The following IGSF5 variants were observed in gnomAD, a reference collection of about 807,000 sequenced individuals.
IGSF5 encodes the protein immunoglobulin superfamily 5 like.
IGSF5 carries 41 observed loss-of-function variants against 39.4 expected under a neutral mutation model. That is an observed-to-expected ratio of 1.04 (90% CI 0.81 to 1.35). IGSF5 has a LOEUF of 1.35. Ranked by LOEUF, IGSF5 falls within the 40% of genes most tolerant of loss-of-function variation. The pLI, the probability that IGSF5 is intolerant of heterozygous loss-of-function variation, is 0.00. For synonymous variants in IGSF5, 183 were observed against 175.3 expected, an observed-to-expected ratio of 1.04 and a Z score of -0.34; for missense variants, 487 against 494.6, an observed-to-expected ratio of 0.98 and a Z score of 0.15.
intron 3 of IGSF5, among the ~76,000 whole-genome samples, chr21:39,767,495 T>C (rs533427747): frequency 5.9e-5 from 9 of 152,142 alleles, no homozygotes; most frequent in Non-Finnish European, 1.3e-4. Flanking sequence ...TGACTTTGAG[T>C]CCTAGTGTCC....
At chr21:39,741,293 G>A (rs139279140), upstream of IGSF5, among the ~76,000 whole-genome samples, 52 of 152,268 alleles carry the variant, frequency 3.4e-4, no homozygotes, top group Non-Finnish European at 5.0e-4. Context: ...CTATTTTGCC[G>A]TACCTGGGAA....
At chr21:39,776,140 C>T (rs1285822877) in intron 4 of IGSF5, among the ~76,000 whole-genome samples, 1 of 151,938 alleles carries the variant, frequency 6.6e-6, no homozygotes, top group East Asian at 1.9e-4. Flanking sequence ...TAAATGCACT[C>T]TTTTTAAAAA....
At chr21:39,748,882 A>C (rs1043963962) in intron 2 of IGSF5, among the ~76,000 whole-genome samples, 21 of 152,196 alleles carry the variant, frequency 1.4e-4, no homozygotes, top group Non-Finnish European at 2.8e-4. Context: ...CGTGCAGCTG[A>C]AGTCATCCTG....
chr21:39,777,360 G>T (rs986297287), intron 4 of IGSF5, among the ~76,000 whole-genome samples: 2 of 152,208 alleles, frequency 1.3e-5, no homozygotes, highest in African/African-American at 2.4e-5. Flanking sequence ...ATCACTTGGG[G>T]TATCATTCGG....
At chr21:39,797,641 C>A (rs947271857) in intron 8 of IGSF5, among the ~76,000 whole-genome samples, 1 of 152,126 alleles carries the variant, frequency 6.6e-6, no homozygotes, top group Non-Finnish European at 1.5e-5. Context: ...CTCAGCCTTC[C>A]GGAGAGCTAG....
chr21:39,759,497 C>T (rs2080050210), intron 2 of IGSF5, among the ~76,000 whole-genome samples: 1 of 152,024 alleles, frequency 6.6e-6, no homozygotes, highest in African/African-American at 2.4e-5. Flanking sequence ...GCCGTGGTTA[C>T]AAAAAACTCT....
chr21:39,788,202 C>T lies in IGSF5; in HGVS notation c.956+14C>T, dbSNP rs780106547. The T allele has an allele frequency of 6.6e-5, 103 of 1,572,344 alleles. No homozygotes were observed. Among genetic ancestry groups the T allele is most frequent in the Non-Finnish European group, 8.6e-5 (99 of 1,146,882 alleles). On this transcript the variant is annotated intron_variant, in intron 6 of 8. Coordinates refer to ENST00000380588, the MANE Select transcript of IGSF5 (RefSeq NM_001080444.2). ...TCAATTTCAAAAGTAAGTTTGAAAC[C>T]ACATCTATTTTCTGAAAACAAAACA...
At chr21:39,756,636 G>A (rs186628468) in intron 2 of IGSF5, among the ~76,000 whole-genome samples, 185 of 152,300 alleles carry the variant, frequency 1.2e-3, no homozygotes, top group African/African-American at 4.4e-3. Flanking sequence ...ACTCATTGGT[G>A]CTGTGGAGGA....
At chr21:39,739,481 G>A in the IGSF5 span, among the ~76,000 whole-genome samples, 1 of 152,088 alleles carries the variant, frequency 6.6e-6, no homozygotes, top group South Asian at 2.1e-4. Flanking sequence ...TTACTATCTG[G>A]TTGGGTGTGA....
the IGSF5 span, among the ~76,000 whole-genome samples, chr21:39,737,578 T>A: frequency 2.6e-5 from 4 of 152,148 alleles, no homozygotes; most frequent in African/African-American, 9.7e-5. Context: ...CACTTGTTTA[T>A]GTTTACCGGC....
chr21:39,736,861 GC>G, the IGSF5 span, among the ~76,000 whole-genome samples: 2 of 152,198 alleles, frequency 1.3e-5, no homozygotes, highest in Non-Finnish European at 2.9e-5. Flanking sequence ...TGGGATCAGT[GC>G]TTTGCTGGCC....
At chr21:39,716,654 T>C in the IGSF5 span, among the ~76,000 whole-genome samples, 16,138 of 152,246 alleles carry the variant, frequency 0.11, 1,160 homozygotes, top group East Asian at 0.21. Flanking sequence ...CAGCTCCATC[T>C]GTGTTCCAGC....
At chr21:39,799,687 G>T (rs1395946966) in intron 8 of IGSF5, among the ~76,000 whole-genome samples, 2 of 152,140 alleles carry the variant, frequency 1.3e-5, no homozygotes, top group African/African-American at 4.8e-5. Flanking sequence ...GCTCACGGTG[G>T]TGCCATGATG....
intron 5 of IGSF5, among the ~76,000 whole-genome samples, chr21:39,781,045 C>T (rs185139659): frequency 6.6e-5 from 10 of 152,320 alleles, no homozygotes; most frequent in Admixed American, 5.2e-4. Flanking sequence ...ACTGTGCTAA[C>T]TCTTTTACAT....
chr21:39,794,850 A>G (rs964130463), intron 8 of IGSF5, among the ~76,000 whole-genome samples: 3 of 151,974 alleles, frequency 2.0e-5, no homozygotes, highest in African/African-American at 7.2e-5. Flanking sequence ...ACAGGTATTT[A>G]CCTGAGTTTC....
At chr21:39,748,626 C>T (rs796383329) in intron 2 of IGSF5, among the ~76,000 whole-genome samples, 1 of 152,048 alleles carries the variant, frequency 6.6e-6, no homozygotes, top group Non-Finnish European at 1.5e-5. Context: ...ATTTTGAGGA[C>T]CTTATGACCT....
chr21:39,739,208 T>C, the IGSF5 span, among the ~76,000 whole-genome samples: 2 of 151,674 alleles, frequency 1.3e-5, no homozygotes, highest in South Asian at 4.2e-4. Flanking sequence ...GGGATTACAG[T>C]CATGAGCCAT....
the IGSF5 span, among the ~76,000 whole-genome samples, chr21:39,717,623 T>C: frequency 2.0e-5 from 3 of 152,222 alleles, no homozygotes; most frequent in Admixed American, 2.0e-4. Flanking sequence ...CTTGCTTTTG[T>C]CAACTTTGTC....
intron 6 of IGSF5, among the ~76,000 whole-genome samples, chr21:39,789,289 A>T (rs2086946292): frequency 1.3e-5 from 2 of 152,228 alleles, no homozygotes; most frequent in South Asian, 4.1e-4. Context: ...GGATAACAAC[A>T]ACTATAGAAT....
Sources: gnomAD v4.1 joint callset for allele counts (sites outside exome capture counted in the v4.1 genomes callset) on GRCh38, gnomAD v4.1.1 for gene constraint, MANE v1.5 for transcripts, NCBI Gene and HGNC (gene_info 2026-07-23, HGNC 2026-07-21) for gene names.